Variants in AKT3 observed in about 807,000 individuals in gnomAD.
AKT3 encodes the protein AKT serine/threonine kinase 3.
AKT3 carries 15 observed loss-of-function variants against 65.3 expected under a neutral mutation model. The ratio of observed to expected loss-of-function variants is 0.23; its 90% CI spans 0.15 to 0.35. AKT3 has a LOEUF of 0.35. Ranked by LOEUF, AKT3 falls within the 10% of genes least tolerant of loss-of-function variation. The pLI is 1.00. For synonymous variants in AKT3, 206 were observed against 183.8 expected (o/e 1.12, Z -0.98); for missense variants, 243 against 576.5 (o/e 0.42, Z 5.92).
chr1:243,689,749 T>A (rs1033950263), intron 3 of AKT3, among the ~76,000 whole-genome samples: 1 of 151,834 alleles, frequency 6.6e-6, no homozygotes, highest in African/African-American at 2.4e-5. Flanking sequence ...TGAGCCCAGT[T>A]CAAGACCAGC....
chr1:243,494,721 T>C (rs1237104143), intron 13 of AKT3, among the ~76,000 whole-genome samples: 1 of 152,236 alleles, frequency 6.6e-6, no homozygotes, highest in African/African-American at 2.4e-5. Flanking sequence ...TTCCTTCAGA[T>C]ACATTCACTC....
intron 2 of AKT3, among the ~76,000 whole-genome samples, chr1:243,744,558 T>C (rs1397193727): frequency 6.6e-6 from 1 of 151,506 alleles, no homozygotes; most frequent in East Asian, 1.9e-4. Context: ...GCTAAAACGG[T>C]GAAACCCCGT....
chr1:243,654,143 TTTAG>T (rs1262189062), intron 4 of AKT3, among the ~76,000 whole-genome samples: 2 of 152,164 alleles, frequency 1.3e-5, no homozygotes, highest in African/African-American at 2.4e-5. Flanking sequence ...TCACTGTCTT[TTTAG>T]TAATTGTAAC....
chr1:243,615,242 A>G, intron 6 of AKT3, 81 bp from the exon 7 acceptor site: 1 of 1,129,068 alleles, frequency 8.9e-7, no homozygotes, highest in South Asian at 1.4e-5. Context: ...TAAAATTGGA[A>G]GAGGTTAAGC....
chr1:243,610,736 CATAATTTCAGAG>C (rs1354758869), intron 8 of AKT3, among the ~76,000 whole-genome samples: 3 of 152,218 alleles, frequency 2.0e-5, no homozygotes, highest in African/African-American at 4.8e-5. Context: ...ATACCCAGTG[CATAATTTCAGAG>C]ATACTCGATC....
downstream of AKT3, among the ~76,000 whole-genome samples, chr1:243,496,507 G>A (rs541667601): frequency 6.6e-6 from 1 of 152,340 alleles, no homozygotes; most frequent in South Asian, 2.1e-4. Flanking sequence ...TTTTGACTTG[G>A]CCAAACAGAG....
intron 8 of AKT3, among the ~76,000 whole-genome samples, chr1:243,603,929 CTT>C (rs1677205296): frequency 8.2e-6 from 1 of 122,006 alleles, no homozygotes; most frequent in South Asian, 2.6e-4. Context: ...GAGTTTTGCT[CTT>C]GTTGCCCAGG....
intron 2 of AKT3, among the ~76,000 whole-genome samples, chr1:243,720,291 T>C (rs1024987044): frequency 2.7e-5 from 4 of 150,644 alleles, no homozygotes; most frequent in Admixed American, 6.6e-5. Flanking sequence ...AGAACAAAAC[T>C]CAAACTCAAA....
intron 1 of AKT3, among the ~76,000 whole-genome samples, chr1:243,847,382 T>TA (rs1695565761): frequency 6.6e-6 from 1 of 152,182 alleles, no homozygotes; most frequent in Non-Finnish European, 1.5e-5. Context: ...GTGATTGCCT[T>TA]ACCTTCCCAA....
chr1:243,720,769 CTTT>C (rs1453888151), intron 2 of AKT3, among the ~76,000 whole-genome samples: 1 of 152,098 alleles, frequency 6.6e-6, no homozygotes, highest in African/African-American at 2.4e-5. Context: ...ATCTCTTGTC[CTTT>C]TCCTTTTATT....
chr1:243,518,217 T>TC (rs1670487792), intron 12 of AKT3, among the ~76,000 whole-genome samples: 1 of 152,216 alleles, frequency 6.6e-6, no homozygotes, highest in African/African-American at 2.4e-5. Context: ...GAAGCATTAT[T>TC]CCCCCTTCCA....
intron 2 of AKT3, among the ~76,000 whole-genome samples, chr1:243,708,092 C>T (rs1412043768): frequency 6.6e-6 from 1 of 152,016 alleles, no homozygotes; most frequent in African/African-American, 2.4e-5. Flanking sequence ...CAAGTAAAAT[C>T]ATCTTAACTT....
rs115845188 is a variant in AKT3 at position 243,546,545 on chromosome 1, T to C, written c.1164-948A>G. 956 of 152,210 alleles carry C rather than the reference T, an allele frequency of 6.3e-3. 12 individuals carry two copies. The highest frequency in any genetic ancestry group is 0.021 in the African/African-American group (884 of 41,538). The allele number at this position is 152,210 out of a possible 1,614,324, so 9.4% of individuals were successfully genotyped here. A position where few individuals can be genotyped will look rare whatever the true frequency, so the allele number is the denominator to read the frequency against. On this transcript the variant is annotated intron_variant, in intron 11 of 13. Coordinates refer to ENST00000673466, the MANE Select transcript of AKT3 (RefSeq NM_005465.7). ...ATTAGAAATGATATGTGCTGGTAAG[T>C]GCTTAACAACCAGCTCTCTGTGAGC...
intron 10 of AKT3, among the ~76,000 whole-genome samples, chr1:243,561,570 G>T (rs1214894219): frequency 6.6e-6 from 1 of 152,104 alleles, no homozygotes; most frequent in Non-Finnish European, 1.5e-5. Flanking sequence ...TATCATCAAA[G>T]ATTATTCCAA....
chr1:243,654,428 C>T (rs1681609755), intron 4 of AKT3, among the ~76,000 whole-genome samples: 1 of 151,724 alleles, frequency 6.6e-6, no homozygotes. Flanking sequence ...TTATTGTGTC[C>T]AAAGAATACT....
At chr1:243,779,974 T>C (rs747807198) in intron 2 of AKT3, among the ~76,000 whole-genome samples, 26 of 152,140 alleles carry the variant, frequency 1.7e-4, no homozygotes, top group South Asian at 1.7e-3. Context: ...AGAAAGAAAT[T>C]TCCTCCTTAT....
At chr1:243,586,380 A>G (rs1042966511) in intron 8 of AKT3, among the ~76,000 whole-genome samples, 60 of 152,348 alleles carry the variant, frequency 3.9e-4, no homozygotes, top group African/African-American at 1.4e-3. Flanking sequence ...TTGACCCAGC[A>G]ATCACATTAC....
In AKT3 at chr1:243,831,906, A is replaced by C. The variant is rs114382589; in HGVS notation, c.46+11219T>G. Among the ~76,000 whole-genome samples the C allele has an allele frequency of 8.7e-3, 1,331 of 152,194 alleles. 15 individuals carry two copies. The highest frequency in any genetic ancestry group is 0.03 in the African/African-American group (1,261 of 41,518). ...CTGAAGTATCTAAGATCAGCAAAAA[A>C]GAAATCTCAGGTACTAATCCTGGCT... On this transcript the variant is annotated intron_variant, in intron 2 of 13. Transcript: ENST00000673466.
chr1:243,691,804 C>CT (rs1414265527), intron 3 of AKT3, among the ~76,000 whole-genome samples: 1 of 152,130 alleles, frequency 6.6e-6, no homozygotes, highest in Non-Finnish European at 1.5e-5. Flanking sequence ...GGAGAGAGGC[C>CT]TAGCCTAGAG....
Sources: allele counts gnomAD v4.1 joint callset (sites outside exome capture counted in the v4.1 genomes callset), GRCh38; gene constraint gnomAD v4.1.1; transcripts MANE v1.5; gene names NCBI Gene and HGNC (gene_info 2026-07-23, HGNC 2026-07-21).